The following SLC25A24 variants were observed in gnomAD, a reference collection of about 807,000 sequenced individuals.
The protein encoded by SLC25A24 is mitochondrial adenyl nucleotide antiporter SLC25A24.
SLC25A24 carries 49 observed loss-of-function variants against 60.7 expected under a neutral mutation model. That is an observed-to-expected ratio of 0.81 (90% CI 0.64 to 1.02). The LOEUF (loss-of-function observed/expected upper bound fraction) is 1.02. Among genes scored for constraint, SLC25A24 ranks in the 50% least tolerant of loss-of-function variants. SLC25A24 has a pLI of 0.00. For synonymous variants in SLC25A24, 202 were observed against 200.6 expected (o/e 1.01, Z -0.06); for missense variants, 564 against 586.3 (o/e 0.96, Z 0.39).
chr1:108,199,807 G>T, intron 1 of SLC25A24, 149 bp downstream of exon 1: 2 of 644,986 alleles, frequency 3.1e-6, no homozygotes, highest in South Asian at 3.9e-5. Context: ...CCCCACGCCC[G>T]AGTTTCTGAA....
chr1:108,148,323 A>C lies in SLC25A24; in HGVS notation c.886T>G (p.Ser296Ala), dbSNP rs1243154515. The stretch of plus-strand genomic sequence containing the variant: ...GTCTGTGCAGTTGCTCCAGCCATGG[A>C]ACCAGAAATAAATCTCTCAAATGTT... ...IGTFERFISGSMAGATAQTFI... is the reference protein window; with the variant it reads ...IGTFERFISGAMAGATAQTFI... Residue 296 changes from serine to alanine, a missense_variant, in exon 7 of 10, where the codon TCC (serine) becomes GCC (alanine). Coordinates refer to ENST00000565488, the MANE Select transcript of SLC25A24 (RefSeq NM_013386.5). 1 of 1,613,178 alleles carries C rather than the reference A, an allele frequency of 6.2e-7. No individual in the cohort carries two copies. The highest frequency in any genetic ancestry group is 1.7e-5 in the Admixed American group (1 of 60,000).
At chr1:108,148,925 A>T (rs972057756) in intron 6 of SLC25A24, among the ~76,000 whole-genome samples, 1 of 152,198 alleles carries the variant, frequency 6.6e-6, no homozygotes, top group Non-Finnish European at 1.5e-5. Context: ...ATGCTAATAC[A>T]CGCAGTGACT....
chr1:108,137,327 T>C (rs1679318211), intron 9 of SLC25A24, among the ~76,000 whole-genome samples: 1 of 151,924 alleles, frequency 6.6e-6, no homozygotes, highest in Admixed American at 6.6e-5. Flanking sequence ...AAGGGGAGTA[T>C]GGAAGAAGCT....
intron 1 of SLC25A24, among the ~76,000 whole-genome samples, chr1:108,197,927 T>G (rs1161736517): frequency 1.3e-5 from 2 of 152,220 alleles, no homozygotes; most frequent in African/African-American, 2.4e-5. Context: ...GGTGTCATTC[T>G]TGCAGTAGTG....
chr1:108,177,960 C>T (rs772818711), intron 3 of SLC25A24, among the ~76,000 whole-genome samples: 4 of 152,106 alleles, frequency 2.6e-5, no homozygotes, highest in Non-Finnish European at 4.4e-5. Flanking sequence ...GTCAAGAGAT[C>T]AAGACCATCC....
chr1:108,144,049 C>T (rs906485501), intron 7 of SLC25A24, among the ~76,000 whole-genome samples: 2 of 152,090 alleles, frequency 1.3e-5, no homozygotes, highest in African/African-American at 4.8e-5. Context: ...ATACTTCTAG[C>T]TTGGAACACA....
chr1:108,177,955 G>C (rs973645611), intron 3 of SLC25A24, among the ~76,000 whole-genome samples: 2 of 152,178 alleles, frequency 1.3e-5, no homozygotes, highest in Non-Finnish European at 2.9e-5. Context: ...ATGAAGTCAA[G>C]AGATCAAGAC....
Position 108,136,465 on chromosome 1 carries a change from A to G in SLC25A24, c.*188T>C, listed in dbSNP as rs778016790. 64 of 544,962 alleles carry G rather than the reference A, an allele frequency of 1.2e-4. No individual in the cohort carries two copies. The highest frequency in any genetic ancestry group is 1.7e-4 in the Non-Finnish European group (54 of 309,890). 33.8% of individuals were successfully genotyped at this position (544,962 alleles called of 1,614,324 possible). A position where few individuals can be genotyped will look rare whatever the true frequency, so the allele number is the denominator to read the frequency against. On this transcript the variant is annotated 3_prime_UTR_variant, in exon 10 of 10. Coordinates refer to ENST00000565488, the MANE Select transcript of SLC25A24 (RefSeq NM_013386.5). ...GGCCTTTTCAAAACACATTAAAACT[A>G]TGATTTTGAACATTTCTGTGTACAT...
intron 8 of SLC25A24, 103 bp from the exon 9 acceptor site, chr1:108,139,311 G>GCCTCATCCTGC: frequency 8.2e-7 from 1 of 1,222,924 alleles, no homozygotes; most frequent in Non-Finnish European, 1.1e-6. Flanking sequence ...GTTTCTGCAG[G>GCCTCATCCTGC]ATGAGGCCAC....
In SLC25A24 at chr1:108,199,950, A is replaced by C; in HGVS notation, c.183+6T>G. The C allele has an allele frequency of 6.2e-7, 1 of 1,600,198 alleles. No individual in the cohort carries two copies. Among genetic ancestry groups the C allele is most frequent in the Non-Finnish European group, 8.5e-7 (1 of 1,174,116 alleles). ...ACGCTCAGGCGGCGCCCCGGCGGCG[A>C]CCCACCTCCTCGGCGTCCTGGCCCA... On this transcript the variant is annotated splice_donor_region_variant and intron_variant, in intron 1 of 9. Transcript: ENST00000565488.
intron 1 of SLC25A24, among the ~76,000 whole-genome samples, chr1:108,189,053 C>G (rs1648250116): frequency 1.3e-5 from 2 of 152,158 alleles, no homozygotes; most frequent in African/African-American, 4.8e-5. Flanking sequence ...AATCTGTCAT[C>G]CTGAAAACAA....
At chr1:108,165,583 A>T (rs1450525062) in intron 3 of SLC25A24, among the ~76,000 whole-genome samples, 1 of 151,996 alleles carries the variant, frequency 6.6e-6, no homozygotes, top group African/African-American at 2.4e-5. Flanking sequence ...TTGTTGGTTT[A>T]AAGTCTGTTT....
intron 8 of SLC25A24, among the ~76,000 whole-genome samples, chr1:108,141,098 G>C (rs968736140): frequency 2.0e-5 from 3 of 152,106 alleles, no homozygotes; most frequent in Non-Finnish European, 2.9e-5. Flanking sequence ...GATGGAAAAA[G>C]ATATTCCATA....
chr1:108,143,290 C>A (rs972257787), intron 8 of SLC25A24, among the ~76,000 whole-genome samples: 1 of 152,142 alleles, frequency 6.6e-6, no homozygotes, highest in Non-Finnish European at 1.5e-5. Context: ...TCTAGAAACA[C>A]CTTTTAAGGT....
At chr1:108,175,360 T>C (rs1159669827) in intron 3 of SLC25A24, among the ~76,000 whole-genome samples, 1 of 152,146 alleles carries the variant, frequency 6.6e-6, no homozygotes, top group Non-Finnish European at 1.5e-5. Flanking sequence ...AAGAAGGACG[T>C]GTTTGCTTCC....
intron 4 of SLC25A24, among the ~76,000 whole-genome samples, chr1:108,157,924 G>A (rs924127293): frequency 6.6e-6 from 1 of 152,138 alleles, no homozygotes; most frequent in South Asian, 2.1e-4. Flanking sequence ...TAAAATGAAA[G>A]GGCAGCATTT....
At position 108,185,965 on chromosome 1, in the gene SLC25A24, A is replaced by T. The variant is rs1465837664; in HGVS notation, c.184-11T>A. 6.4e-7 allele frequency: 1 copy of T among 1,559,798 alleles called. No individual in the cohort carries two copies. Among genetic ancestry groups the T allele is most frequent in the Non-Finnish European group, 8.7e-7 (1 of 1,150,584 alleles). On this transcript the variant is annotated splice_polypyrimidine_tract_variant and intron_variant, in intron 1 of 9. Transcript: ENST00000565488. ...AGTAGTAAAAATTTTCTATAAAAAA[A>T]AATTAGAGAGAAGTTATTGCCAATA...
chr1:108,185,137 C>T lies in SLC25A24; in HGVS notation c.310+691G>A, dbSNP rs1489347729. Among the ~76,000 whole-genome samples the T allele has an allele frequency of 3.9e-5, 6 of 151,976 alleles. No homozygotes were observed. In the East Asian group the frequency reaches 1.2e-3, roughly 29 times the overall value. On this transcript the variant is annotated intron_variant, in intron 2 of 9. Transcript: ENST00000565488. Reference sequence around the variant, plus strand: ...AGCATGTTATGACATAGTAAGAGGCCCTCACCAGATTCGGCTCAACTTTGA... The same window carrying T: ...AGCATGTTATGACATAGTAAGAGGCTCTCACCAGATTCGGCTCAACTTTGA...
intron 1 of SLC25A24, among the ~76,000 whole-genome samples, chr1:108,197,643 A>G (rs1172162001): frequency 1.3e-5 from 2 of 152,200 alleles, no homozygotes; most frequent in African/African-American, 4.8e-5. Flanking sequence ...AACTGGTAAA[A>G]CATGATTTCT....
Sources: allele counts gnomAD v4.1 joint callset (sites outside exome capture counted in the v4.1 genomes callset), GRCh38; gene constraint gnomAD v4.1.1; transcripts MANE v1.5; gene names NCBI Gene and HGNC (gene_info 2026-07-23, HGNC 2026-07-21).